Variants in ACACA observed in about 807,000 individuals in gnomAD.
ACACA encodes acetyl-CoA carboxylase alpha.
ACACA carries 103 observed loss-of-function variants against 296.1 expected under a neutral mutation model. That is an observed-to-expected ratio of 0.35 (90% CI 0.30 to 0.41). The LOEUF (loss-of-function observed/expected upper bound fraction) is 0.41, where lower values mean the gene tolerates loss of function less well. Among genes scored for constraint, ACACA ranks in the 10% least tolerant of loss-of-function variants. ACACA has a pLI of 1.00. For synonymous variants in ACACA, 953 were observed against 1,038.6 expected (o/e 0.92, Z 1.58); for missense variants, 1,554 against 2,989.7 (o/e 0.52, Z 11.20).
chr17:37,185,404 T>C (rs1295374484), intron 39 of ACACA, among the ~76,000 whole-genome samples: 4 of 119,064 alleles, frequency 3.4e-5, no homozygotes, highest in Admixed American at 8.4e-5. Flanking sequence ...GGCTATTTCT[T>C]TTTTTTTTTT....
intron 20 of ACACA, 138 bp from the exon 21 acceptor site, chr17:37,244,872 C>T (rs1221713669): frequency 7.2e-7 from 1 of 1,393,024 alleles, no homozygotes; most frequent in East Asian, 2.3e-5. Flanking sequence ...GAGGAAACAT[C>T]ATAAGGAAAT....
intron 3 of ACACA, among the ~76,000 whole-genome samples, chr17:37,311,743 G>A (rs1034443970): frequency 2.6e-5 from 4 of 151,558 alleles, no homozygotes; most frequent in African/African-American, 4.8e-5. Flanking sequence ...ATGGTGGCGC[G>A]CACCTGTAAT....
At position 37,286,347 on chromosome 17, in the gene ACACA, C is replaced by T. The variant is rs9915232; in HGVS notation, c.339-1377G>A. ...AAATGATCTTTTGCAAATAATTTAA[C>T]CTTTTCAGCTTCAGTGTTCTCTTTG... On this transcript the variant is annotated intron_variant, in intron 3 of 55. Transcript: ENST00000616317. 9.6e-3 allele frequency among the ~76,000 whole-genome samples: 1,457 copies of T among 152,280 alleles called. 20 individuals carry two copies. The highest frequency in any genetic ancestry group is 0.033 in the African/African-American group (1,387 of 41,556).
At position 37,206,826 on chromosome 17, in the gene ACACA, G is replaced by A; in HGVS notation, c.3905C>T (p.Thr1302Ile). Reference protein sequence around the residue: ...CFSDSPPQSPTFPEAGHTSLY... With the variant: ...CFSDSPPQSPIFPEAGHTSLY... ...AGACGTGTGACCTGCCTCAGGGAAT[G>A]TGGGACTCTGGGGTGGGGAGTCAGA... Residue 1302 changes from threonine to isoleucine, a missense_variant, in exon 32 of 56, where the codon ACA becomes ATA. Around this residue, in one of 16 missense-constraint regions of ACACA, gnomAD observed 179 missense variants for 283.2 expected, o/e 0.63. Coordinates refer to ENST00000616317, the MANE Select transcript of ACACA (RefSeq NM_198834.3). The A allele has an allele frequency of 6.2e-7, 1 of 1,613,908 alleles. No homozygotes were observed. The highest frequency in any genetic ancestry group is 8.5e-7 in the Non-Finnish European group (1 of 1,179,782).
chr17:37,282,842 A>C (rs2082604157), intron 5 of ACACA, among the ~76,000 whole-genome samples: 1 of 152,186 alleles, frequency 6.6e-6, no homozygotes. Flanking sequence ...TCGGTCCCAA[A>C]AGGTCTCTCC....
At chr17:37,225,169 G>T in intron 26 of ACACA, 64 bp from the exon 27 acceptor site, 1 of 954,646 alleles carries the variant, frequency 1.0e-6, no homozygotes, top group Admixed American at 1.7e-5. Context: ...CTCCTATTAG[G>T]CAGCTCTGAT....
chr17:37,125,049 G>A (rs1041061008), intron 48 of ACACA, among the ~76,000 whole-genome samples: 18 of 152,176 alleles, frequency 1.2e-4, no homozygotes, highest in Admixed American at 7.9e-4. Context: ...GCAGGTGCTC[G>A]TTATAGCTCG....
chr17:37,288,528 G>A (rs922028405), intron 3 of ACACA, among the ~76,000 whole-genome samples: 3 of 152,168 alleles, frequency 2.0e-5, no homozygotes, highest in South Asian at 2.1e-4. Context: ...TGATGGAAAC[G>A]TTCTATATCT....
intron 3 of ACACA, among the ~76,000 whole-genome samples, chr17:37,324,235 G>A (rs992769419): frequency 1.3e-5 from 2 of 151,702 alleles, no homozygotes; most frequent in South Asian, 2.1e-4. Flanking sequence ...ACGTGGTGGC[G>A]CATGCCTGTA....
chr17:37,390,236 A>AAT (rs1462644729), intron 1 of ACACA, among the ~76,000 whole-genome samples: 1 of 50,044 alleles, frequency 2.0e-5, no homozygotes, highest in Non-Finnish European at 2.9e-5. Context: ...AATTATATAT[A>AAT]ATATATTATA....
At chr17:37,377,335 A>G (rs1177549647) in intron 1 of ACACA, among the ~76,000 whole-genome samples, 1 of 152,154 alleles carries the variant, frequency 6.6e-6, no homozygotes, top group Non-Finnish European at 1.5e-5. Flanking sequence ...TACTAGGTCA[A>G]CTACTACTTT....
intron 3 of ACACA, among the ~76,000 whole-genome samples, chr17:37,287,590 A>AAAAAAAAAAAAC (rs1264156932): frequency 6.9e-6 from 1 of 144,196 alleles, no homozygotes; most frequent in Admixed American, 7.0e-5. Flanking sequence ...AAAAAAAAAA[A>AAAAAAAAAAAAC]CAAATATCCA....
At chr17:37,109,896 A>G (rs1237327633) in intron 52 of ACACA, among the ~76,000 whole-genome samples, 1 of 152,220 alleles carries the variant, frequency 6.6e-6, no homozygotes, top group Non-Finnish European at 1.5e-5. Flanking sequence ...AATGAGTAGG[A>G]ATTCAGCAGG....
intron 45 of ACACA, among the ~76,000 whole-genome samples, chr17:37,137,686 A>G (rs1415671644): frequency 3.3e-5 from 5 of 152,180 alleles, no homozygotes; most frequent in Non-Finnish European, 7.4e-5. Flanking sequence ...GGAGTGGTTC[A>G]ATTTTCCTAC....
chr17:37,350,379 G>T (rs1597676863), intron 1 of ACACA, among the ~76,000 whole-genome samples: 1 of 151,742 alleles, frequency 6.6e-6, no homozygotes, highest in East Asian at 1.9e-4. Flanking sequence ...AATTAGCTGG[G>T]TGTGGTGGCA....
chr17:37,391,502 G>T, intron 1 of ACACA: 1 of 702,144 alleles, frequency 1.4e-6, no homozygotes, highest in South Asian at 1.7e-5. Context: ...TACTTTCTCA[G>T]TGTAATTATC....
Position 37,085,989 on chromosome 17 carries a change from T to C in ACACA, c.*1327A>G. On this transcript the variant is annotated 3_prime_UTR_variant, in exon 56 of 56. Transcript: ENST00000616317. ...ACAGAGGAATCAGTAAGTTCTTTTC[T>C]TGAATAAACTAGTTGTTGAAAGTAA... 1 of 397,418 alleles carries C rather than the reference T, an allele frequency of 2.5e-6. No homozygotes were observed. Among genetic ancestry groups the C allele is most frequent in the African/African-American group, 2.1e-5 (1 of 48,750 alleles). The allele number at this position is 397,418 out of a possible 1,614,324, so 24.6% of individuals were successfully genotyped here. A position where few individuals can be genotyped will look rare whatever the true frequency, so the allele number is the denominator to read the frequency against.
At chr17:37,205,285 G>C (rs1335633220) in intron 33 of ACACA, among the ~76,000 whole-genome samples, 2 of 152,082 alleles carry the variant, frequency 1.3e-5, no homozygotes, top group African/African-American at 4.8e-5. Flanking sequence ...GAGAAGAGGT[G>C]AAGCAAAATG....
intron 1 of ACACA, among the ~76,000 whole-genome samples, chr17:37,391,152 C>T (rs749307261): frequency 3.3e-5 from 5 of 152,202 alleles, no homozygotes; most frequent in African/African-American, 9.6e-5. Context: ...GCAGGATAAT[C>T]GCTTGAACCC....
Sources: gnomAD v4.1 joint callset for allele counts (sites outside exome capture counted in the v4.1 genomes callset) on GRCh38, gnomAD v4.1.1 for gene constraint, gnomAD v4.1.1 regional missense constraint, MANE v1.5 for transcripts, NCBI Gene and HGNC (gene_info 2026-07-23, HGNC 2026-07-21) for gene names.